The following CYSLTR2 variants were observed in gnomAD, a reference collection of about 807,000 sequenced individuals.
CYSLTR2 encodes cysteinyl leukotriene receptor 2, also known as G-protein coupled receptor GPCR21.
For synonymous variants in CYSLTR2, 179 were observed against 160.8 expected, an observed-to-expected ratio of 1.11 and a Z score of -0.86; for missense variants, 398 against 411.9, an observed-to-expected ratio of 0.97 and a Z score of 0.29.
intron 2 of CYSLTR2, among the ~76,000 whole-genome samples, chr13:48,691,896 T>C (rs1038967394): frequency 6.6e-6 from 1 of 151,950 alleles, no homozygotes; most frequent in Non-Finnish European, 1.5e-5. Context: ...GTAAGTTTGG[T>C]AAATAAAAGA....
Position 48,680,747 on chromosome 13 carries a change from A to G in CYSLTR2, c.-265-10465A>G, listed in dbSNP as rs758259230. Among the ~76,000 whole-genome samples, 38 of 146,360 alleles carry G rather than the reference A, an allele frequency of 2.6e-4. 2 individuals carry two copies. Among genetic ancestry groups the G allele is most frequent in the Non-Finnish European group, 7.4e-5 (5 of 67,288 alleles). On this transcript the variant is annotated intron_variant, in intron 1 of 4. Transcript: ENST00000682523. ...TACTTCATTGGTCTGGCTAATTTTT[A>G]TAGTCACATCTAGCAGACGATTTTC...
intron 1 of CYSLTR2, among the ~76,000 whole-genome samples, chr13:48,687,327 C>T (rs183398283): frequency 6.6e-5 from 10 of 152,046 alleles, no homozygotes; most frequent in Non-Finnish European, 1.5e-4. Flanking sequence ...TAATAAATCT[C>T]CTCTCATCTA....
At chr13:48,656,855 T>C (rs1953010079) in intron 1 of CYSLTR2, among the ~76,000 whole-genome samples, 3 of 152,218 alleles carry the variant, frequency 2.0e-5, no homozygotes, top group African/African-American at 7.2e-5. Flanking sequence ...GGCAGCCAAA[T>C]TGGATAATAC....
chr13:48,674,239 C>T (rs1458999094), intron 1 of CYSLTR2, among the ~76,000 whole-genome samples: 1 of 152,140 alleles, frequency 6.6e-6, no homozygotes, highest in Non-Finnish European at 1.5e-5. Context: ...ATCCATTCTC[C>T]CCGTCACTTT....
At chr13:48,697,344 C>A (rs878974331) in intron 4 of CYSLTR2, among the ~76,000 whole-genome samples, 1 of 152,090 alleles carries the variant, frequency 6.6e-6, no homozygotes, top group Admixed American at 6.6e-5. Flanking sequence ...CAACATTTGC[C>A]GTTCTTCTAT....
intron 2 of CYSLTR2, among the ~76,000 whole-genome samples, chr13:48,693,187 T>C (rs918175351): frequency 6.6e-6 from 1 of 151,866 alleles, no homozygotes. Flanking sequence ...ATACAACTAA[T>C]GTAGAAAATT....
At chr13:48,690,255 G>A (rs898257689) in intron 1 of CYSLTR2, among the ~76,000 whole-genome samples, 4 of 152,094 alleles carry the variant, frequency 2.6e-5, no homozygotes, top group Admixed American at 1.3e-4. Flanking sequence ...TCTTTCTCTT[G>A]CCTGATTGTC....
intron 1 of CYSLTR2, among the ~76,000 whole-genome samples, chr13:48,657,315 T>A (rs1269821452): frequency 6.6e-6 from 1 of 152,168 alleles, no homozygotes; most frequent in Non-Finnish European, 1.5e-5. Context: ...AGGCCCAGGA[T>A]AAGGGTCTAA....
chr13:48,688,842 C>T (rs898062935), intron 1 of CYSLTR2, among the ~76,000 whole-genome samples: 1 of 152,208 alleles, frequency 6.6e-6, no homozygotes. Context: ...CACTGCCTTC[C>T]ACAATGGCTA....
chr13:48,665,233 A>ATATT (rs1266470432), intron 1 of CYSLTR2, among the ~76,000 whole-genome samples: 1 of 152,102 alleles, frequency 6.6e-6, no homozygotes, highest in Non-Finnish European at 1.5e-5. Flanking sequence ...GTGTCCTAAT[A>ATATT]TATTGTAAAT....
At chr13:48,696,992 AG>A (rs1208089172) in intron 4 of CYSLTR2, among the ~76,000 whole-genome samples, 1 of 152,204 alleles carries the variant, frequency 6.6e-6, no homozygotes, top group Non-Finnish European at 1.5e-5. Flanking sequence ...AGGCTTGAGT[AG>A]GTAAACAAAG....
Position 48,707,371 on chromosome 13 carries a change from CATCAT to C in CYSLTR2, c.555_559del (p.Ser186LeufsTer7). 1 of 1,614,128 alleles carries C rather than the reference CATCAT, an allele frequency of 6.2e-7. No homozygotes were observed. Among genetic ancestry groups the C allele is most frequent in the South Asian group, 1.1e-5 (1 of 91,076 alleles). ...GGCTCTGAGCAGAACGGCAGTGTCA[CATCAT>C]GCTTAGAGCTGAATCTCTATAAAAT... On this transcript the variant is annotated frameshift_variant, in exon 5 of 5. Transcript: ENST00000682523. LOFTEE classifies it low-confidence loss of function (END_TRUNC).
intron 1 of CYSLTR2, among the ~76,000 whole-genome samples, chr13:48,657,878 T>C (rs144076334): frequency 6.6e-6 from 1 of 152,110 alleles, no homozygotes; most frequent in East Asian, 1.9e-4. Flanking sequence ...ATTAGACGTA[T>C]AGATTGCATA....
chr13:48,682,768 T>C (rs1953790768), intron 1 of CYSLTR2, among the ~76,000 whole-genome samples: 1 of 152,188 alleles, frequency 6.6e-6, no homozygotes. Flanking sequence ...ATGTGCAGGT[T>C]TGTTATATAG....
rs199983719 is a variant in CYSLTR2 at position 48,708,709 on chromosome 13, G to C, written c.*851G>C. 2.4e-5 allele frequency: 4 copies of C among 167,038 alleles called. No individual in the cohort carries two copies. Among genetic ancestry groups the C allele is most frequent in the Non-Finnish European group, 4.4e-5 (3 of 68,118 alleles). 10.3% of individuals were successfully genotyped at this position (167,038 alleles called of 1,614,324 possible). Reference sequence around the variant, plus strand: ...ATTGGGATGGAAGCCAAAAATAAAAGAGGTGCCTCTGAGGATTAGGGTTGA... The same window carrying C: ...ATTGGGATGGAAGCCAAAAATAAAACAGGTGCCTCTGAGGATTAGGGTTGA... On this transcript the variant is annotated 3_prime_UTR_variant, in exon 5 of 5. Transcript: ENST00000682523.
chr13:48,703,139 G>A (rs1007439725), intron 4 of CYSLTR2, among the ~76,000 whole-genome samples: 2 of 151,892 alleles, frequency 1.3e-5, no homozygotes, highest in African/African-American at 4.8e-5. Context: ...TTTGTATTCT[G>A]CCACTTTGTT....
intron 1 of CYSLTR2, among the ~76,000 whole-genome samples, chr13:48,668,737 C>T (rs1441804772): frequency 6.6e-6 from 1 of 152,042 alleles, no homozygotes; most frequent in African/African-American, 2.4e-5. Flanking sequence ...AGGAATTTCT[C>T]CTAATGCTAT....
At position 48,666,265 on chromosome 13, in the gene CYSLTR2, C is replaced by G. The variant is rs573582452; in HGVS notation, c.-266+12248C>G. ...TCTAAGGTTTCTGCTGGGAAATCCA[C>G]CCTTAGGCCAATGAAGATTCCCTTA... is the stretch of plus-strand genomic sequence containing the variant. On this transcript the variant is annotated intron_variant, in intron 1 of 4. Transcript: ENST00000682523. Among the ~76,000 whole-genome samples the G allele has an allele frequency of 6.6e-5, 10 of 152,260 alleles. No homozygotes were observed. The South Asian group carries it at 1.9e-3, about 28-fold the overall frequency.
At chr13:48,670,452 G>C (rs1423446605) in intron 1 of CYSLTR2, among the ~76,000 whole-genome samples, 4 of 152,112 alleles carry the variant, frequency 2.6e-5, no homozygotes, top group African/African-American at 9.7e-5. Context: ...GTTAATTTTT[G>C]TATAAGGTGT....
Sources: allele counts gnomAD v4.1 joint callset (sites outside exome capture counted in the v4.1 genomes callset), GRCh38; gene constraint gnomAD v4.1.1; transcripts MANE v1.5; gene names NCBI Gene and HGNC (gene_info 2026-07-23, HGNC 2026-07-21).